SHOC1: variants seen among roughly 807,000 people sequenced by gnomAD.
The protein encoded by SHOC1 is protein shortage in chiasmata 1 ortholog.
A neutral mutation model predicts 179.2 loss-of-function variants in SHOC1; 136 were observed. The ratio of observed to expected loss-of-function variants is 0.76; its 90% CI spans 0.66 to 0.87. SHOC1 has a LOEUF of 0.87. Ranked by LOEUF, SHOC1 falls within the 40% of genes least tolerant of loss-of-function variation. SHOC1 has a pLI of 0.00. For missense variants in SHOC1, 1,538 were observed against 1,700.8 expected, an observed-to-expected ratio of 0.90 and a Z score of 1.68; for synonymous variants, 489 against 586.6, an observed-to-expected ratio of 0.83 and a Z score of 2.41.
Position 111,769,479 on chromosome 9 carries a change from T to G in SHOC1, c.442+6312A>C, listed in dbSNP as rs138306815. On this transcript the variant is annotated intron_variant, in intron 5 of 27. Transcript: ENST00000682961. ...TTTCTATTTCTTCATAGTTCAAACT[T>G]TTTTTCCTTTTTTTGACATAGGGTC... Among the ~76,000 whole-genome samples the G allele has an allele frequency of 7.8e-4, 119 of 152,196 alleles. 1 individual carries two copies. The highest frequency in any genetic ancestry group is 2.7e-3 in the African/African-American group (113 of 41,524).
intron 3 of SHOC1, among the ~76,000 whole-genome samples, chr9:111,782,757 G>A (rs1350873758): frequency 6.6e-6 from 1 of 151,836 alleles, no homozygotes; most frequent in African/African-American, 2.4e-5. Context: ...AAACAAAACT[G>A]GCTTTCTTGC....
At chr9:111,707,024 A>T (rs1832310593) in intron 19 of SHOC1, among the ~76,000 whole-genome samples, 1 of 152,106 alleles carries the variant, frequency 6.6e-6, no homozygotes, top group Admixed American at 6.5e-5. Flanking sequence ...TTACCTGAGT[A>T]CTATCAATAA....
rs1420647677 is a variant in SHOC1, at chr9:111,705,133, C to G, written c.2855+114G>C. The stretch of plus-strand genomic sequence containing the variant: ...CTTGAATCACAGACACATGGAGACA[C>G]ATATACAGCATAATATTTAGCCTAT... On this transcript the variant is annotated intron_variant, in intron 21 of 27. Coordinates refer to ENST00000682961, the MANE Select transcript of SHOC1 (RefSeq NM_001378211.1). 6.3e-5 allele frequency: 28 copies of G among 442,368 alleles called. No homozygotes were observed. The East Asian group carries it at 1.0e-3, about 16-fold the overall frequency. The allele number at this position is 442,368 out of a possible 1,614,324, so 27.4% of individuals were successfully genotyped here.
At chr9:111,754,674 A>G (rs1252284186) in intron 8 of SHOC1, among the ~76,000 whole-genome samples, 1 of 151,900 alleles carries the variant, frequency 6.6e-6, no homozygotes, top group Non-Finnish European at 1.5e-5. Flanking sequence ...TCATAGCAGG[A>G]TTACTTTTAA....
At chr9:111,762,249 G>A (rs954629818) in intron 5 of SHOC1, among the ~76,000 whole-genome samples, 3 of 152,108 alleles carry the variant, frequency 2.0e-5, no homozygotes, top group East Asian at 1.9e-4. Flanking sequence ...GGACAACATA[G>A]GGACATCTTG....
chr9:111,787,677 G>T (rs1414511823), intron 2 of SHOC1, among the ~76,000 whole-genome samples: 1 of 152,180 alleles, frequency 6.6e-6, no homozygotes, highest in Non-Finnish European at 1.5e-5. Flanking sequence ...TGACAACAAA[G>T]GATTCAGATT....
intron 12 of SHOC1, among the ~76,000 whole-genome samples, chr9:111,736,659 A>C (rs778160577): frequency 3.2e-4 from 48 of 152,200 alleles, no homozygotes; most frequent in Non-Finnish European, 4.3e-4. Flanking sequence ...GTCTTGGGAA[A>C]GAATTTATGA....
intron 26 of SHOC1, 124 bp from the exon 27 acceptor site, chr9:111,692,635 G>A (rs111860161): frequency 3.6e-6 from 2 of 561,130 alleles, no homozygotes. Context: ...ATTGATCCAG[G>A]TATTAAGAAC....
intron 16 of SHOC1, among the ~76,000 whole-genome samples, chr9:111,716,684 C>A (rs1038775460): frequency 1.3e-5 from 2 of 152,186 alleles, no homozygotes; most frequent in African/African-American, 4.8e-5. Context: ...AGCCATGGCA[C>A]CCAGCCCATG....
At chr9:111,688,591 G>A (rs10981011) in intron 27 of SHOC1, among the ~76,000 whole-genome samples, 2,007 of 151,900 alleles carry the variant, frequency 0.013, 54 homozygotes, top group African/African-American at 0.046. Flanking sequence ...AGTGGAAGGA[G>A]TAAATAATAA....
chr9:111,725,141 T>A (rs1162332788), intron 13 of SHOC1, among the ~76,000 whole-genome samples: 1 of 152,158 alleles, frequency 6.6e-6, no homozygotes, highest in Non-Finnish European at 1.5e-5. Flanking sequence ...TGGACTATAT[T>A]CTAAACTAGA....
chr9:111,727,589 T>C (rs1444089050), intron 13 of SHOC1, 44 bp downstream of exon 13: 3 of 1,489,198 alleles, frequency 2.0e-6, no homozygotes, highest in Non-Finnish European at 2.7e-6. Flanking sequence ...TACTTAGTCC[T>C]TGAGCCTACC....
chr9:111,783,922 C>T (rs1836172086), intron 3 of SHOC1, among the ~76,000 whole-genome samples: 1 of 152,110 alleles, frequency 6.6e-6, no homozygotes, highest in Non-Finnish European at 1.5e-5. Context: ...GCTGAAGAAC[C>T]CCAGAAAGCA....
intron 5 of SHOC1, among the ~76,000 whole-genome samples, chr9:111,761,754 C>T (rs1835148715): frequency 6.6e-6 from 1 of 151,968 alleles, no homozygotes; most frequent in African/African-American, 2.4e-5. Context: ...ATGCAGATGG[C>T]CAATAAAGAC....
chr9:111,731,990 C>T (rs1026523256), intron 12 of SHOC1, among the ~76,000 whole-genome samples: 7 of 151,734 alleles, frequency 4.6e-5, no homozygotes, highest in African/African-American at 1.7e-4. Context: ...TGAGATGAGC[C>T]TGTATTTTTA....
At chr9:111,696,635 C>T (rs1831705742) in intron 24 of SHOC1, among the ~76,000 whole-genome samples, 1 of 145,700 alleles carries the variant, frequency 6.9e-6, no homozygotes, top group African/African-American at 2.4e-5. Flanking sequence ...ACTCCTATTT[C>T]ATCCCCAAAT....
At chr9:111,770,749 TCTTG>T (rs1835570435) in intron 5 of SHOC1, among the ~76,000 whole-genome samples, 1 of 152,196 alleles carries the variant, frequency 6.6e-6, no homozygotes, top group Non-Finnish European at 1.5e-5. Flanking sequence ...TGTTATACCC[TCTTG>T]CTTAATTGAC....
intron 16 of SHOC1, among the ~76,000 whole-genome samples, chr9:111,715,220 C>T (rs1412117770): frequency 2.0e-5 from 3 of 152,110 alleles, no homozygotes; most frequent in African/African-American, 4.8e-5. Context: ...AAAAGCTCTC[C>T]GTGTGATTCT....
intron 18 of SHOC1, among the ~76,000 whole-genome samples, chr9:111,711,640 A>G (rs868657083): frequency 6.6e-6 from 1 of 152,230 alleles, no homozygotes; most frequent in Admixed American, 6.5e-5. Flanking sequence ...TACTTAAATG[A>G]TTAATGAAAA....
Sources: allele counts gnomAD v4.1 joint callset (sites outside exome capture counted in the v4.1 genomes callset), GRCh38; gene constraint gnomAD v4.1.1; transcripts MANE v1.5; gene names NCBI Gene and HGNC (gene_info 2026-07-23, HGNC 2026-07-21).